GLB1L: variants seen among roughly 807,000 people sequenced by gnomAD.
GLB1L encodes beta-galactosidase-1-like protein.
In GLB1L, 58 loss-of-function variants were observed where a neutral mutation model predicts 75.7. The ratio of observed to expected loss-of-function variants is 0.77; its 90% confidence interval spans 0.62 to 0.95. The LOEUF is 0.95. Ranked by LOEUF, GLB1L falls within the 40% of genes least tolerant of loss-of-function variation. The pLI, the probability that GLB1L is intolerant of heterozygous loss-of-function variation, is 0.00. For missense variants in GLB1L, 797 were observed against 805.5 expected (o/e 0.99, Z 0.13); for synonymous variants, 296 against 303.0 (o/e 0.98, Z 0.24).
In GLB1L at chr2:219,239,407, TCA is replaced by T. The variant is rs748060801; in HGVS notation, c.943+2_943+3del. Reference sequence around the variant, plus strand: ...CTTCTATCCCAGGGACCATCTGGACTCACCATTCCAATATCCAAAGTTGGTAC... The same window carrying T: ...CTTCTATCCCAGGGACCATCTGGACTCCATTCCAATATCCAAAGTTGGTAC... On this transcript the variant is annotated splice_donor_variant and splice_donor_region_variant and intron_variant, in intron 10 of 16. Transcript: ENST00000295759. LOFTEE classifies it high-confidence loss of function. 7.5e-6 allele frequency: 12 copies of T among 1,595,632 alleles called. No individual in the cohort carries two copies. The highest frequency in any genetic ancestry group is 1.0e-5 in the Non-Finnish European group (12 of 1,169,956).
chr2:219,242,376 G>T, intron 5 of GLB1L, 138 bp downstream of exon 5: 1 of 748,106 alleles, frequency 1.3e-6, no homozygotes. Context: ...CCAGTTTCTA[G>T]CATCCTGCTG....
rs1574870687 is a variant in GLB1L, at chr2:219,243,026, G to A, written c.240-108C>T. 3.9e-6 allele frequency: 6 copies of A among 1,554,374 alleles called. No homozygotes were observed. In the East Asian group the frequency reaches 1.4e-4, roughly 35 times the overall value. On this transcript the variant is annotated intron_variant, in intron 3 of 16. Transcript: ENST00000295759. Reference sequence around the variant, plus strand: ...AGGAAGCGGTTGGAAGGAGGTCCTGGCCTGCCCTTTCCCACCCTTGGCCTA... The same window carrying A: ...AGGAAGCGGTTGGAAGGAGGTCCTGACCTGCCCTTTCCCACCCTTGGCCTA...
Position 219,238,742 on chromosome 2 carries a change from C to A in GLB1L, c.1100G>T (p.Ser367Ile). 1 of 1,613,940 alleles carries A rather than the reference C, an allele frequency of 6.2e-7. No individual in the cohort carries two copies. The highest frequency in any genetic ancestry group is 8.5e-7 in the Non-Finnish European group (1 of 1,179,936). ...EVPLGPLPPP[S>I]PKMMLGPVTL... ...CACAGGTCCAAGCATCATCTTGGGG[C>A]TCGGGGGAGGTAAAGGTCCCAAAGG... is the stretch of plus-strand genomic sequence containing the variant. Residue 367 changes from serine (S) to isoleucine (I), a missense_variant, in exon 12 of 17, where the codon AGC becomes ATC. Transcript: ENST00000295759.
In GLB1L at chr2:219,237,146, G is replaced by A; in HGVS notation, c.1891C>T (p.His631Tyr). The change falls in exon 17 of 17, where the codon CAC becomes TAC. Residue 631 changes from histidine (H) to tyrosine (Y), a missense_variant. By Grantham distance (83) the His-to-Tyr change is moderately conservative. Transcript: ENST00000295759. ...KPILNSTSTL[H>Y]RTHINSLSAD... ...GAAAGGGAATTGATATGTGTCCTGT[G>A]CAAAGTACTAGTGCTATTGAGGATA... 1 of 1,614,056 alleles carries A rather than the reference G, an allele frequency of 6.2e-7. No individual in the cohort carries two copies. Among genetic ancestry groups the A allele is most frequent in the Non-Finnish European group, 8.5e-7 (1 of 1,179,940 alleles).
In GLB1L at chr2:219,240,101, G is replaced by C. The variant is rs1322290337; in HGVS notation, c.547-7C>G. On this transcript the variant is annotated splice_region_variant and splice_polypyrimidine_tract_variant and intron_variant, in intron 6 of 16. Coordinates refer to ENST00000295759, the MANE Select transcript of GLB1L (RefSeq NM_001286423.2). Reference sequence around the variant, plus strand: ...TACCATATTCATTCTCCACCTGCCAGAGGGGAGGGAAAGTGGAACCCAGCT... The same window carrying C: ...TACCATATTCATTCTCCACCTGCCACAGGGGAGGGAAAGTGGAACCCAGCT... The C allele has an allele frequency of 6.2e-7, 1 of 1,614,076 alleles. No homozygotes were observed. The highest frequency in any genetic ancestry group is 8.5e-7 in the Non-Finnish European group (1 of 1,180,030).
chr2:219,237,098 C>G lies in GLB1L; in HGVS notation c.1939G>C (p.Glu647Gln), dbSNP rs959629346. Residue 647 changes from glutamate to glutamine, a missense_variant, in exon 17 of 17, where the codon GAA becomes CAA. Physicochemically the swap from Glu to Gln is conservative, Grantham distance 29. Coordinates refer to ENST00000295759, the MANE Select transcript of GLB1L (RefSeq NM_001286423.2). ...CAGTGCCCACTTAACTCCATTGGTT[C>G]AGAGGCACTCAGTGTATCAGCTGAA... ...SLSADTLSASEPMELSGH is the reference protein window; with the variant it reads ...SLSADTLSASQPMELSGH 1 of 1,610,952 alleles carries G rather than the reference C, an allele frequency of 6.2e-7. No individual in the cohort carries two copies. Among genetic ancestry groups the G allele is most frequent in the Non-Finnish European group, 8.5e-7 (1 of 1,177,246 alleles).
intron 6 of GLB1L, 44 bp from the exon 7 acceptor site, chr2:219,240,138 G>T: frequency 6.2e-7 from 1 of 1,613,484 alleles, no homozygotes; most frequent in Non-Finnish European, 8.5e-7. Flanking sequence ...TGGGATGGAG[G>T]TCAAGGACCC....
chr2:219,239,552 T>G lies in GLB1L; in HGVS notation c.902+9A>C. On this transcript the variant is annotated intron_variant, in intron 9 of 16. Coordinates refer to ENST00000295759, the MANE Select transcript of GLB1L (RefSeq NM_001286423.2). ...ACAGATTCATATTGCCCCCAGTGTC[T>G]TTACTTACATGTTCACACTGGCTCC... 6.2e-7 allele frequency: 1 copy of G among 1,614,188 alleles called. No homozygotes were observed. The highest frequency in any genetic ancestry group is 1.3e-5 in the African/African-American group (1 of 75,046).
In GLB1L at chr2:219,239,831, C is replaced by T; in HGVS notation, c.724G>A (p.Asp242Asn). Residue 242 changes from aspartate (D) to asparagine (N), a missense_variant and splice_region_variant, in exon 8 of 17, where the codon GAC (aspartate) becomes AAC (asparagine). Physicochemically the swap from Asp to Asn is conservative, Grantham distance 23. Coordinates refer to ENST00000295759, the MANE Select transcript of GLB1L (RefSeq NM_001286423.2). ...LYTTVDFGPA[D>N]NMTKIFTLLR... ...AGGGTAAAGATTTTGGTCATGTTGT[C>T]AGCTGCGGAAAGGAGGCAAAAGAAA... The T allele has an allele frequency of 6.2e-7, 1 of 1,614,194 alleles. No individual in the cohort carries two copies. The highest frequency in any genetic ancestry group is 1.1e-5 in the South Asian group (1 of 91,084).
rs1221472995 is a variant in GLB1L, at chr2:219,245,395, C to T, written c.-237G>A. 6.6e-6 allele frequency: 1 copy of T among 152,558 alleles called. No individual in the cohort carries two copies. The highest frequency in any genetic ancestry group is 1.5e-5 in the Non-Finnish European group (1 of 68,136). 9.5% of individuals were successfully genotyped at this position (152,558 alleles called of 1,614,324 possible). On this transcript the variant is annotated 5_prime_UTR_variant, in exon 1 of 17. Coordinates refer to ENST00000295759, the MANE Select transcript of GLB1L (RefSeq NM_001286423.2). ...TACACCTAGCTAGCCCGGAGCCTCT[C>T]AGCTCCGCGTCCCCACATCCTCCGG...
intron 5 of GLB1L, among the ~76,000 whole-genome samples, chr2:219,241,465 T>TATATATATATATATATATATACAC (rs1457421471): frequency 1.5e-5 from 2 of 136,520 alleles, no homozygotes; most frequent in Admixed American, 8.2e-5. Context: ...TATATATATA[T>TATATATATATATATATATATACAC]ACATACATAT....
chr2:219,238,011 T>G lies in GLB1L; in HGVS notation c.1342-54A>C, dbSNP rs1574861955. The G allele has an allele frequency of 1.2e-5, 19 of 1,579,064 alleles. No homozygotes were observed. The East Asian group carries it at 4.0e-4, about 33-fold the overall frequency. ...GGCTCAGCATCTAGCTCTTAGCCACTGCATAGGAAACCACACATTAGGATA... is the reference window on the plus strand; with the variant it reads ...GGCTCAGCATCTAGCTCTTAGCCACGGCATAGGAAACCACACATTAGGATA... On this transcript the variant is annotated intron_variant, in intron 14 of 16. Transcript: ENST00000295759.
rs190561842 is a variant in GLB1L at position 219,242,422 on chromosome 2, C to G, written c.451+92G>C. The G allele has an allele frequency of 8.8e-6, 8 of 904,452 alleles. No homozygotes were observed. In the Admixed American group the frequency reaches 1.2e-4, roughly 14 times the overall value. The allele number at this position is 904,452 out of a possible 1,614,324, so 56.0% of individuals were successfully genotyped here. A position where few individuals can be genotyped will look rare whatever the true frequency, so the allele number is the denominator to read the frequency against. The stretch of plus-strand genomic sequence containing the variant: ...AAACACTTGGTAAATGAATGATGAC[C>G]TCCAATTTGGGAATGGTCTCTTCTG... On this transcript the variant is annotated intron_variant, in intron 5 of 16. Transcript: ENST00000295759.
chr2:219,237,779 T>C, intron 15 of GLB1L, 47 bp downstream of exon 15: 1 of 1,613,008 alleles, frequency 6.2e-7, no homozygotes, highest in Non-Finnish European at 8.5e-7. Flanking sequence ...TGAAGCTAAG[T>C]TATCCTTAAT....
In GLB1L at chr2:219,237,815, A is replaced by G; in HGVS notation, c.1473+11T>C. 1 of 1,614,034 alleles carries G rather than the reference A, an allele frequency of 6.2e-7. No individual in the cohort carries two copies. The highest frequency in any genetic ancestry group is 8.5e-7 in the Non-Finnish European group (1 of 1,179,922). On this transcript the variant is annotated intron_variant, in intron 15 of 16. Transcript: ENST00000295759. The stretch of plus-strand genomic sequence containing the variant: ...CAAGCCCTGGGATATAACTAGGCAA[A>G]GCTAGCTCACCTTGAAGTCACTGCT...
At chr2:219,244,947 T>G (rs1417629774) in intron 1 of GLB1L, among the ~76,000 whole-genome samples, 3 of 152,216 alleles carry the variant, frequency 2.0e-5, no homozygotes, top group Non-Finnish European at 4.4e-5. Flanking sequence ...TATACCTATT[T>G]TACAGCTACC....
intron 16 of GLB1L, 24 bp from the exon 17 acceptor site, chr2:219,237,371 A>G (rs1487614771): frequency 5.6e-6 from 9 of 1,607,824 alleles, no homozygotes; most frequent in Middle Eastern, 1.7e-4. Flanking sequence ...AGCAGGAAAG[A>G]GGGGAAAAGA....
chr2:219,239,756 C>T lies in GLB1L; in HGVS notation c.780+19G>A, dbSNP rs534291035. 1.9e-6 allele frequency: 3 copies of T among 1,614,202 alleles called. No homozygotes were observed. In the African/African-American group the frequency reaches 4.0e-5, roughly 22 times the overall value. On this transcript the variant is annotated intron_variant, in intron 8 of 16. Coordinates refer to ENST00000295759, the MANE Select transcript of GLB1L (RefSeq NM_001286423.2). ...CCCATTCCTATCCCTGATTCCCTGA[C>T]TCCTCTCTGGCCCCTCACCAATGGC... is the stretch of plus-strand genomic sequence containing the variant.
intron 5 of GLB1L, among the ~76,000 whole-genome samples, chr2:219,241,636 G>C (rs952050055): frequency 2.6e-5 from 4 of 151,672 alleles, no homozygotes; most frequent in Non-Finnish European, 5.9e-5. Context: ...CTGGAGCAGA[G>C]TGAACATGGG....
Sources: gnomAD v4.1 joint callset for allele counts (sites outside exome capture counted in the v4.1 genomes callset) on GRCh38, gnomAD v4.1.1 for gene constraint, MANE v1.5 for transcripts, NCBI Gene and HGNC (gene_info 2026-07-23, HGNC 2026-07-21) for gene names.